The following PDE1C variants were observed in gnomAD, a reference collection of about 807,000 sequenced individuals.
The protein encoded by PDE1C is phosphodiesterase 1C.
Under a neutral mutation model 93.1 loss-of-function variants are expected in PDE1C, and 62 were observed. That is an observed-to-expected ratio of 0.67 (90% confidence interval 0.54 to 0.82). PDE1C has a LOEUF of 0.82. Ranked by LOEUF, PDE1C falls within the 40% of genes least tolerant of loss-of-function variation. The pLI, the probability that PDE1C is intolerant of heterozygous loss-of-function variation, is 0.00. For missense variants in PDE1C, 742 were observed against 884.6 expected (o/e 0.84, Z 2.04); for synonymous variants, 325 against 310.1 (o/e 1.05, Z -0.50).
intron 17 of PDE1C, among the ~76,000 whole-genome samples, chr7:31,757,361 T>A (rs1174076061): frequency 1.3e-5 from 2 of 152,240 alleles, no homozygotes; most frequent in African/African-American, 4.8e-5. Flanking sequence ...ATGATGATCA[T>A]GTTCTAGTCA....
intron 2 of PDE1C, among the ~76,000 whole-genome samples, chr7:31,946,985 T>C (rs975850556): frequency 6.6e-6 from 1 of 152,026 alleles, no homozygotes; most frequent in African/African-American, 2.4e-5. Context: ...TGGCTAGGAG[T>C]TGAGCTATAT....
chr7:32,103,679 G>T (rs897469069), intron 3 of PDE1C, among the ~76,000 whole-genome samples: 1 of 152,058 alleles, frequency 6.6e-6, no homozygotes, highest in Non-Finnish European at 1.5e-5. Flanking sequence ...AAATACAAAC[G>T]GACAATGATT....
chr7:32,170,579 T>C (rs1802582427), intron 2 of PDE1C, among the ~76,000 whole-genome samples: 1 of 152,232 alleles, frequency 6.6e-6, no homozygotes, highest in Admixed American at 6.5e-5. Flanking sequence ...TGATAGTGTG[T>C]GCCCTTGATA....
At position 32,261,602 on chromosome 7, in the gene PDE1C, G is replaced by A. The variant is rs545376668; in HGVS notation, c.85+37049C>T. 3.3e-5 allele frequency among the ~76,000 whole-genome samples: 5 copies of A among 152,286 alleles called. No homozygotes were observed. The East Asian group carries it at 7.7e-4, about 23-fold the overall frequency. On this transcript the variant is annotated intron_variant, in intron 1 of 18. Coordinates refer to the PDE1C transcript ENST00000396193. ...AGGTGAAACCATTGGGATTTACAGT[G>A]GGATTGACAGAAGTCAGAAAGTTCC...
chr7:32,209,674 C>A (rs1208297209), intron 1 of PDE1C: 2 of 677,740 alleles, frequency 3.0e-6, no homozygotes, highest in Admixed American at 3.0e-5. Context: ...ATAAAAGCAA[C>A]TTTACTCCCT....
intron 2 of PDE1C, chr7:31,941,466 C>T (rs1805835703): frequency 6.5e-6 from 1 of 154,880 alleles, no homozygotes; most frequent in Non-Finnish European, 1.4e-5. Context: ...CCTACCCTCT[C>T]CTTGTAACCT....
At chr7:31,735,639 T>C in the PDE1C span, among the ~76,000 whole-genome samples, 1 of 152,202 alleles carries the variant, frequency 6.6e-6, no homozygotes, top group Non-Finnish European at 1.5e-5. Context: ...TCTGTCACCT[T>C]GGGGTAGTCA....
chr7:32,191,108 T>C (rs976782278), intron 2 of PDE1C, among the ~76,000 whole-genome samples: 7 of 152,240 alleles, frequency 4.6e-5, no homozygotes, highest in Non-Finnish European at 1.0e-4. Flanking sequence ...TTTGACTTTA[T>C]TCTGCAGGCC....
intron 2 of PDE1C, among the ~76,000 whole-genome samples, chr7:31,927,583 A>C (rs1370567967): frequency 1.3e-5 from 2 of 152,208 alleles, no homozygotes; most frequent in Non-Finnish European, 2.9e-5. Flanking sequence ...CTCTGGGACA[A>C]AGCTTCCAGA....
At chr7:31,689,048 G>T in the PDE1C span, among the ~76,000 whole-genome samples, 1 of 152,196 alleles carries the variant, frequency 6.6e-6, no homozygotes, top group South Asian at 2.1e-4. Flanking sequence ...AATAATGGAT[G>T]TGACTGCTGG....
intron 1 of PDE1C, among the ~76,000 whole-genome samples, chr7:32,390,069 A>G (rs1003504318): frequency 7.2e-5 from 11 of 152,214 alleles, no homozygotes; most frequent in Non-Finnish European, 1.5e-4. Context: ...GTAAGTTAAC[A>G]TAAAATATTC....
chr7:32,359,262 T>G (rs903070478), intron 1 of PDE1C, among the ~76,000 whole-genome samples: 3 of 152,218 alleles, frequency 2.0e-5, no homozygotes, highest in Non-Finnish European at 4.4e-5. Context: ...TTTTCCATGT[T>G]GTATTCAGAA....
chr7:32,062,585 C>G (rs1005667380), intron 1 of PDE1C, among the ~76,000 whole-genome samples: 3 of 152,196 alleles, frequency 2.0e-5, no homozygotes, highest in African/African-American at 7.2e-5. Context: ...CTCAGAGAAG[C>G]CTTCTCTGAA....
rs555580865 is a variant in PDE1C at position 31,760,127 on chromosome 7, C to T, written c.1961-6574G>A. Among the ~76,000 whole-genome samples, 3 of 152,248 alleles carry T rather than the reference C, an allele frequency of 2.0e-5. No individual in the cohort carries two copies. The South Asian group carries it at 6.2e-4, about 32-fold the overall frequency. ...AGAGGGTTTCCTCAATCAAATTTAACTGAGTTAAACTAGTATCTTCACACC... is the reference window on the plus strand; with the variant it reads ...AGAGGGTTTCCTCAATCAAATTTAATTGAGTTAAACTAGTATCTTCACACC... On this transcript the variant is annotated intron_variant, in intron 17 of 17. Transcript: ENST00000396191.
the PDE1C span, among the ~76,000 whole-genome samples, chr7:31,719,923 G>T: frequency 6.6e-6 from 1 of 152,074 alleles, no homozygotes. Context: ...CTAATGTGGG[G>T]AGGCCGAGGC....
the PDE1C span, among the ~76,000 whole-genome samples, chr7:31,649,957 G>A: frequency 6.6e-6 from 1 of 152,124 alleles, no homozygotes; most frequent in Non-Finnish European, 1.5e-5. Flanking sequence ...AATAAGGGAG[G>A]GTGAAGAGTA....
intron 3 of PDE1C, among the ~76,000 whole-genome samples, chr7:32,085,680 G>C (rs1584733078): frequency 6.7e-6 from 1 of 148,918 alleles, no homozygotes; most frequent in African/African-American, 2.5e-5. Context: ...TCATCCCTGG[G>C]ATGCAAGGCT....
chr7:32,309,290 G>A lies in PDE1C; in HGVS notation c.311-99751C>T, dbSNP rs575259661. On this transcript the variant is annotated intron_variant, in intron 1 of 1. Coordinates refer to the PDE1C transcript ENST00000672256. ...ACGTCTGATTGGTGTACCTGAAAGT[G>A]ACAGAGAGAATGGAACCAAGTTGGA... Among the ~76,000 whole-genome samples, 3 of 152,324 alleles carry A rather than the reference G, an allele frequency of 2.0e-5. No homozygotes were observed. In the South Asian group the frequency reaches 6.2e-4, roughly 32 times the overall value.
chr7:31,635,255 A>T, the PDE1C span, among the ~76,000 whole-genome samples: 1 of 152,206 alleles, frequency 6.6e-6, no homozygotes, highest in Non-Finnish European at 1.5e-5. Flanking sequence ...AGATGTGCAT[A>T]GTCTGGTTGT....
Sources: allele counts gnomAD v4.1 joint callset (sites outside exome capture counted in the v4.1 genomes callset), GRCh38; gene constraint gnomAD v4.1.1; transcripts MANE v1.5; gene names NCBI Gene and HGNC (gene_info 2026-07-23, HGNC 2026-07-21).